CSGALNACT2: variants seen among roughly 807,000 people sequenced by gnomAD.
CSGALNACT2 encodes the protein beta 4 GalNAcT-2.
In CSGALNACT2, 35 loss-of-function variants were observed where a neutral mutation model predicts 55.3. The ratio of observed to expected loss-of-function variants is 0.63; its 90% CI spans 0.48 to 0.84. The LOEUF (loss-of-function observed/expected upper bound fraction) is 0.84, where lower values mean the gene tolerates loss of function less well. Ranked by LOEUF, CSGALNACT2 falls within the 40% of genes least tolerant of loss-of-function variation. CSGALNACT2 has a pLI of 0.00. For missense variants in CSGALNACT2, 544 were observed against 657.5 expected (o/e 0.83, Z 1.89); for synonymous variants, 196 against 224.9 (o/e 0.87, Z 1.15).
At chr10:43,155,937 A>C in intron 2 of CSGALNACT2, 127 bp downstream of exon 2, 2 of 865,564 alleles carry the variant, frequency 2.3e-6, no homozygotes, top group South Asian at 3.9e-5. Context: ...AAATGTTAGT[A>C]ATATAAGTCA....
chr10:43,163,791 G>T, intron 4 of CSGALNACT2, 75 bp from the exon 5 acceptor site: 2 of 1,457,656 alleles, frequency 1.4e-6, no homozygotes, highest in Non-Finnish European at 1.8e-6. Context: ...AACATATTTT[G>T]TAAGCTGTGT....
chr10:43,142,765 C>T (rs150558192), intron 1 of CSGALNACT2, among the ~76,000 whole-genome samples: 369 of 152,258 alleles, frequency 2.4e-3, no homozygotes, highest in African/African-American at 8.4e-3. Context: ...ATAAAGATGG[C>T]ATTTCAAACT....
intron 1 of CSGALNACT2, among the ~76,000 whole-genome samples, chr10:43,147,736 C>T (rs1838789128): frequency 7.2e-6 from 1 of 139,146 alleles, no homozygotes; most frequent in Non-Finnish European, 1.5e-5. Context: ...ATTTATATAT[C>T]TTCTTTAGAG....
intron 1 of CSGALNACT2, among the ~76,000 whole-genome samples, chr10:43,153,533 A>G (rs1344136295): frequency 6.6e-6 from 1 of 151,736 alleles, no homozygotes; most frequent in Non-Finnish European, 1.5e-5. Flanking sequence ...AGCATTTGCC[A>G]CAGAAAGCAT....
chr10:43,167,448 C>T (rs1839291651), intron 6 of CSGALNACT2, among the ~76,000 whole-genome samples: 1 of 151,650 alleles, frequency 6.6e-6, no homozygotes, highest in Non-Finnish European at 1.5e-5. Context: ...ATTAAATCTA[C>T]TCTGCTAAAT....
chr10:43,176,020 T>C lies in CSGALNACT2; in HGVS notation c.1324T>C (p.Phe442Leu), dbSNP rs761828809. Residue 442 changes from phenylalanine (F) to leucine (L), a missense_variant, in exon 7 of 8, where the codon TTC (phenylalanine) becomes CTC (leucine). Coordinates refer to ENST00000374466, the MANE Select transcript of CSGALNACT2 (RefSeq NM_018590.5). ...FGMTCQYRSD[F>L]LTIGGFDMEV... ...AATGACTTGTCAGTATCGTTCAGAT[T>C]TCCTGACCATTGGTAAGTATACTTT... The C allele has an allele frequency of 6.2e-7, 1 of 1,608,602 alleles. No homozygotes were observed. Among genetic ancestry groups the C allele is most frequent in the South Asian group, 1.1e-5 (1 of 89,552 alleles).
chr10:43,140,186 A>G (rs1055372583), intron 1 of CSGALNACT2, among the ~76,000 whole-genome samples: 11 of 150,192 alleles, frequency 7.3e-5, no homozygotes, highest in Non-Finnish European at 1.5e-4. Context: ...AAAAGAAAAG[A>G]AAAAAAAAAG....
chr10:43,145,411 T>C (rs1177892197), intron 1 of CSGALNACT2, among the ~76,000 whole-genome samples: 2 of 7,928 alleles, frequency 2.5e-4, no homozygotes, highest in South Asian at 4.1e-3. Flanking sequence ...TGTTTGTTTC[T>C]TTTTTTTTTT....
intron 1 of CSGALNACT2, among the ~76,000 whole-genome samples, chr10:43,143,084 A>T (rs1293447779): frequency 6.6e-6 from 1 of 152,230 alleles, no homozygotes; most frequent in Non-Finnish European, 1.5e-5. Context: ...GTTTACATAT[A>T]TTATGGAATT....
intron 6 of CSGALNACT2, among the ~76,000 whole-genome samples, chr10:43,171,084 A>G (rs142115348): frequency 3.3e-5 from 5 of 152,322 alleles, no homozygotes; most frequent in African/African-American, 1.2e-4. Flanking sequence ...GTGAAATCCA[A>G]ATGAAATCTG....
At chr10:43,145,340 T>A (rs1011939856) in intron 1 of CSGALNACT2, among the ~76,000 whole-genome samples, 11 of 152,062 alleles carry the variant, frequency 7.2e-5, no homozygotes, top group Non-Finnish European at 1.3e-4. Context: ...TAGTCCATCC[T>A]ATTGGAAAGT....
chr10:43,167,047 T>A lies in CSGALNACT2; in HGVS notation c.1203T>A (p.Pro401=). ...CTGTGGTGTTCAGTCTTTACAATCC[T>A]GCCATTGTTTATGCCAACCAGGAAG... The part of the protein sequence containing the change: ...FYPVVFSLYN[P]AIVYANQEVP... Residue 401 remains proline, a synonymous_variant, in exon 6 of 8, where the codon CCT becomes CCA. Transcript: ENST00000374466. 1 of 1,613,276 alleles carries A rather than the reference T, an allele frequency of 6.2e-7. No homozygotes were observed. The highest frequency in any genetic ancestry group is 1.3e-5 in the African/African-American group (1 of 75,056).
At chr10:43,162,803 T>G (rs1839180549) in intron 4 of CSGALNACT2, 12 of 916,784 alleles carry the variant, frequency 1.3e-5, no homozygotes, top group African/African-American at 1.8e-5. Flanking sequence ...GGCTGTAGTC[T>G]GAGAGTTTGC....
chr10:43,147,206 A>C (rs1442017608), intron 1 of CSGALNACT2, among the ~76,000 whole-genome samples: 1 of 150,716 alleles, frequency 6.6e-6, no homozygotes, highest in Non-Finnish European at 1.5e-5. Flanking sequence ...CGATCTCCTG[A>C]CCTCGTGATC....
chr10:43,150,104 A>G (rs2133101694), intron 1 of CSGALNACT2, among the ~76,000 whole-genome samples: 1 of 152,362 alleles, frequency 6.6e-6, no homozygotes, highest in East Asian at 1.9e-4. Flanking sequence ...AATGTTTGGT[A>G]CATTCCACCA....
At chr10:43,145,566 G>A (rs1012474162) in intron 1 of CSGALNACT2, among the ~76,000 whole-genome samples, 15 of 151,666 alleles carry the variant, frequency 9.9e-5, no homozygotes, top group African/African-American at 3.2e-4. Flanking sequence ...GCATCGCCAC[G>A]CCTGGCTAAT....
intron 7 of CSGALNACT2, among the ~76,000 whole-genome samples, chr10:43,176,782 G>T (rs139716918): frequency 6.6e-6 from 1 of 152,140 alleles, no homozygotes; most frequent in Admixed American, 6.5e-5. Context: ...GCCTAGGCTG[G>T]TCTTGAACTC....
rs772456318 is a variant in CSGALNACT2 at position 43,160,534 on chromosome 10, G to A, written c.919G>A (p.Val307Met). ...IHQDKKIHLT[V>M]VYFGKEGLSK... ...TCAAGACAAGAAGATTCATCTCACA[G>A]TGGTGTATTTTGGTAAAGAAGGACT... Residue 307 changes from valine to methionine, a missense_variant, in exon 4 of 8, where the codon GTG (valine) becomes ATG (methionine). Around this residue, in one of 2 missense-constraint regions of CSGALNACT2, gnomAD observed 374 missense variants for 401.3 expected, o/e 0.93. Transcript: ENST00000374466. The A allele has an allele frequency of 1.9e-5, 31 of 1,595,222 alleles. No homozygotes were observed. The highest frequency in any genetic ancestry group is 2.5e-5 in the Non-Finnish European group (29 of 1,164,180).
At chr10:43,178,101 G>A (rs1839515059) in intron 7 of CSGALNACT2, among the ~76,000 whole-genome samples, 1 of 152,110 alleles carries the variant, frequency 6.6e-6, no homozygotes, top group South Asian at 2.1e-4. Context: ...TTTTAATTGG[G>A]TTATGGAGTT....
Sources: gnomAD v4.1 joint callset for allele counts (sites outside exome capture counted in the v4.1 genomes callset) on GRCh38, gnomAD v4.1.1 for gene constraint, gnomAD v4.1.1 regional missense constraint, MANE v1.5 for transcripts, NCBI Gene and HGNC (gene_info 2026-07-23, HGNC 2026-07-21) for gene names.